Variants in NUP210L observed in about 807,000 individuals in gnomAD.
NUP210L encodes the protein nuclear pore membrane glycoprotein 210-like.
In NUP210L, 74 loss-of-function variants were observed where a neutral mutation model predicts 208.5. The ratio of observed to expected loss-of-function variants is 0.35; its 90% confidence interval spans 0.29 to 0.43. NUP210L has a LOEUF of 0.43. Ranked by LOEUF, NUP210L falls within the 20% of genes least tolerant of loss-of-function variation. The pLI is 1.00. For synonymous variants in NUP210L, 780 were observed against 816.9 expected (o/e 0.95, Z 0.77); for missense variants, 1,843 against 2,289.4 (o/e 0.81, Z 3.98).
At chr1:154,102,967 T>C (rs192524621) in intron 13 of NUP210L, among the ~76,000 whole-genome samples, 1 of 152,116 alleles carries the variant, frequency 6.6e-6, no homozygotes, top group African/African-American at 2.4e-5. Flanking sequence ...TCCCAGCTAC[T>C]TGGGAGGCTG....
intron 37 of NUP210L, chr1:153,995,729 T>C: frequency 1.2e-6 from 1 of 854,422 alleles, no homozygotes; most frequent in East Asian, 2.6e-5. Context: ...ATTGTTTACC[T>C]TTATACCAAG....
intron 25 of NUP210L, among the ~76,000 whole-genome samples, chr1:154,053,929 A>G (rs926124250): frequency 6.6e-6 from 1 of 152,204 alleles, no homozygotes; most frequent in African/African-American, 2.4e-5. Context: ...CCATAAATAC[A>G]TATATTGTTA....
intron 3 of NUP210L, among the ~76,000 whole-genome samples, chr1:154,142,368 ACTAC>A (rs1252370460): frequency 2.6e-5 from 4 of 151,926 alleles, no homozygotes; most frequent in Non-Finnish European, 5.9e-5. Flanking sequence ...TTTTTTTTTT[ACTAC>A]CTAAGTGTTT....
Position 154,057,039 on chromosome 1 carries a change from C to T in NUP210L, c.3108-92G>A. On this transcript the variant is annotated intron_variant, in intron 22 of 39. Transcript: ENST00000368559. ...TGTCGCCCAGGCTGGAGTGCAGTGG[C>T]ATGATCTCAGCTCATTGCAGCCTCA... 5 of 1,283,218 alleles carry T rather than the reference C, an allele frequency of 3.9e-6. No homozygotes were observed. The East Asian group carries it at 7.3e-5, about 19-fold the overall frequency. 79.5% of individuals were successfully genotyped at this position (1,283,218 alleles called of 1,614,324 possible). A position where few individuals can be genotyped will look rare whatever the true frequency, so the allele number is the denominator to read the frequency against.
At chr1:154,009,396 A>G (rs1281611161) in intron 35 of NUP210L, among the ~76,000 whole-genome samples, 1 of 152,112 alleles carries the variant, frequency 6.6e-6, no homozygotes, top group African/African-American at 2.4e-5. Flanking sequence ...TAAATGAGAC[A>G]CAATGCAGAG....
At position 154,070,482 on chromosome 1, in the gene NUP210L, A is replaced by C. The variant is rs770286650; in HGVS notation, c.2362-17T>G. The C allele has an allele frequency of 2.7e-6, 4 of 1,502,074 alleles. No homozygotes were observed. In the Admixed American group the frequency reaches 6.7e-5, roughly 25 times the overall value. The allele number at this position is 1,502,074 out of a possible 1,614,324, so 93.0% of individuals were successfully genotyped here. A position where few individuals can be genotyped will look rare whatever the true frequency, so the allele number is the denominator to read the frequency against. ...TACAGGAATCTGCATTAAAATAAAA[A>C]GTAATAAAACAACAATTTAAAAATC... is the stretch of plus-strand genomic sequence containing the variant. On this transcript the variant is annotated splice_polypyrimidine_tract_variant and intron_variant, in intron 16 of 39. Coordinates refer to ENST00000368559, the Ensembl canonical transcript of NUP210L.
chr1:154,054,277 G>C (rs760499118), exon 25 of NUP210L: 1 of 1,614,118 alleles, frequency 6.2e-7, no homozygotes, highest in Middle Eastern at 1.6e-4. Context: ...TGTCTGGATG[G>C]TGCCATGAAC....
chr1:154,118,468 A>G (rs1473166740), intron 11 of NUP210L, among the ~76,000 whole-genome samples: 1 of 152,210 alleles, frequency 6.6e-6, no homozygotes, highest in Admixed American at 6.5e-5. Flanking sequence ...AGGAAAGGAT[A>G]TTGGGAAGAG....
At position 154,024,956 on chromosome 1, in the gene NUP210L, G is replaced by A. The variant is rs1651783067; in HGVS notation, c.4122+586C>T. 4.2e-5 allele frequency among the ~76,000 whole-genome samples: 5 copies of A among 119,266 alleles called. No individual in the cohort carries two copies. In the South Asian group the frequency reaches 1.4e-3, roughly 34 times the overall value. The allele number at this position is 119,266 out of a possible 152,430, so 78.2% of individuals were successfully genotyped here. Reference sequence around the variant, plus strand: ...TTTTTTTTTTTTTTTTTGAGATGGAGTCTTGCTGTCGCCCAGGTTGGAGTG... The same window carrying A: ...TTTTTTTTTTTTTTTTTGAGATGGAATCTTGCTGTCGCCCAGGTTGGAGTG... On this transcript the variant is annotated intron_variant, in intron 30 of 39. Transcript: ENST00000368559.
chr1:154,005,146 C>T (rs551119485), intron 35 of NUP210L, among the ~76,000 whole-genome samples: 67 of 151,986 alleles, frequency 4.4e-4, no homozygotes, highest in Admixed American at 1.2e-3. Context: ...CCACCGTGCC[C>T]GGCCTCCTCT....
At chr1:154,136,068 CATAAA>C (rs1389822712) in intron 6 of NUP210L, 96 bp from the exon 7 acceptor site, 7 of 853,964 alleles carry the variant, frequency 8.2e-6, no homozygotes, top group African/African-American at 3.4e-5. Context: ...AGGAAGCAGA[CATAAA>C]ATAAGAGTAT....
chr1:154,010,206 G>A (rs1220490984), intron 34 of NUP210L, 85 bp from the exon 35 acceptor site: 3 of 1,307,228 alleles, frequency 2.3e-6, no homozygotes, highest in Non-Finnish European at 3.2e-6. Flanking sequence ...CAATTTTGAA[G>A]CATAAAAAAA....
rs1354220170 is a variant in NUP210L at position 154,109,232 on chromosome 1, C to T, written c.1621-5022G>A. 4.0e-5 allele frequency among the ~76,000 whole-genome samples: 6 copies of T among 151,324 alleles called. 1 individual carries two copies. Among genetic ancestry groups the T allele is most frequent in the African/African-American group, 1.5e-4 (6 of 40,832 alleles). The stretch of plus-strand genomic sequence containing the variant: ...CATGCCAATGGAAACCAAAAAAGAG[C>T]AAGAATAGCTATGCTTATATCAGAC... On this transcript the variant is annotated intron_variant, in intron 12 of 39. Coordinates refer to ENST00000368559, the Ensembl canonical transcript of NUP210L.
chr1:153,993,889 C>G (rs2147873214), intron 38 of NUP210L, among the ~76,000 whole-genome samples: 2 of 152,158 alleles, frequency 1.3e-5, no homozygotes, highest in Non-Finnish European at 2.9e-5. Flanking sequence ...CAATGGGACT[C>G]CATCTCAAAA....
chr1:154,040,619 C>T (rs1204552649), intron 27 of NUP210L, among the ~76,000 whole-genome samples: 1 of 151,254 alleles, frequency 6.6e-6, no homozygotes, highest in Non-Finnish European at 1.5e-5. Flanking sequence ...TGGAGTCTCA[C>T]TCTGTCGCCC....
At chr1:154,085,485 T>C (rs1655580731) in intron 16 of NUP210L, among the ~76,000 whole-genome samples, 1 of 152,030 alleles carries the variant, frequency 6.6e-6, no homozygotes, top group South Asian at 2.1e-4. Context: ...TTGAAAGAAA[T>C]TAAAGATACC....
At chr1:154,038,240 CT>C (rs779501003) in intron 27 of NUP210L, among the ~76,000 whole-genome samples, 1 of 152,062 alleles carries the variant, frequency 6.6e-6, no homozygotes, top group Non-Finnish European at 1.5e-5. Context: ...TCAAGAGATC[CT>C]CCCACCTCAG....
At chr1:154,033,819 A>G (rs906572095) in intron 27 of NUP210L, among the ~76,000 whole-genome samples, 4 of 152,142 alleles carry the variant, frequency 2.6e-5, no homozygotes, top group Non-Finnish European at 5.9e-5. Flanking sequence ...ACTGCACTGA[A>G]TCTGTAGATT....
rs898492803 is a variant in NUP210L, at chr1:154,047,849, G to A, written c.3484-1480C>T. 5.9e-5 allele frequency among the ~76,000 whole-genome samples: 9 copies of A among 152,212 alleles called. No individual in the cohort carries two copies. The South Asian group carries it at 6.2e-4, about 11-fold the overall frequency. On this transcript the variant is annotated intron_variant, in intron 25 of 39. Transcript: ENST00000368559. ...GGGTCTCCACGACTGAGCTGATCTCGGTAAGTGGTGCCCATACGTGGGGCT... is the reference window on the plus strand; with the variant it reads ...GGGTCTCCACGACTGAGCTGATCTCAGTAAGTGGTGCCCATACGTGGGGCT...
Sources: allele counts gnomAD v4.1 joint callset (sites outside exome capture counted in the v4.1 genomes callset), GRCh38; gene constraint gnomAD v4.1.1; transcripts MANE v1.5; gene names NCBI Gene and HGNC (gene_info 2026-07-23, HGNC 2026-07-21).